Variants in COL4A5 observed in about 807,000 individuals in gnomAD.
COL4A5 encodes collagen alpha-5(IV) chain.
COL4A5 carries 26 observed loss-of-function variants against 130.2 expected under a neutral mutation model. The ratio of observed to expected loss-of-function variants is 0.20; its 90% CI spans 0.15 to 0.28. The LOEUF (loss-of-function observed/expected upper bound fraction) is 0.28, where lower values mean the gene tolerates loss of function less well. Among genes scored for constraint, COL4A5 ranks in the 10% least tolerant of loss-of-function variants. The pLI is 1.00. For synonymous variants in COL4A5, 496 were observed against 439.6 expected, an observed-to-expected ratio of 1.13 and a Z score of -1.60; for missense variants, 1,131 against 1,344.3, an observed-to-expected ratio of 0.84 and a Z score of 2.48.
chrX:108,509,962 A>G (rs1289433232), intron 1 of COL4A5, among the ~76,000 whole-genome samples: 1 of 112,722 alleles, frequency 8.9e-6, no homozygotes, highest in African/African-American at 3.2e-5. Context: ...ACACCATGGA[A>G]TACTATGCAG....
rs771305065 is a variant in COL4A5 at position 108,601,895 on chromosome X, A to G, written c.2052A>G (p.Gly684=). 8 of 1,146,382 alleles carry G rather than the reference A, an allele frequency of 7.0e-6. No homozygotes were observed. Among genetic ancestry groups the G allele is most frequent in the Non-Finnish European group, 8.2e-6 (7 of 849,866 alleles). The allele number at this position is 1,146,382 out of a possible 1,213,427, so 94.5% of individuals were successfully genotyped here. ...DGDVGLPGDP[G]LPGQPGLPGI... is the part of the protein sequence containing the mutation. Reference sequence around the variant, plus strand: ...GCTGTTTCTCCATAGGTGACCCTGGACTTCCAGGGCAACCAGGCTTGCCAG... The same window carrying G: ...GCTGTTTCTCCATAGGTGACCCTGGGCTTCCAGGGCAACCAGGCTTGCCAG... Residue 684 remains glycine (G), a synonymous_variant, in exon 27 of 53, where the codon GGA becomes GGG. Coordinates refer to ENST00000328300, the MANE Select transcript of COL4A5 (RefSeq NM_033380.3).
intron 1 of COL4A5, among the ~76,000 whole-genome samples, chrX:108,535,935 T>A (rs1187800561): frequency 9.0e-6 from 1 of 110,823 alleles, no homozygotes. Flanking sequence ...CTGCCATTAT[T>A]TTGTAGTATG....
chrX:108,552,194 G>A (rs1014375978), intron 2 of COL4A5, among the ~76,000 whole-genome samples: 2 of 110,723 alleles, frequency 1.8e-5, no homozygotes, highest in African/African-American at 6.6e-5. Context: ...CTGTACCCCC[G>A]AACCTAAAAG....
chrX:108,519,363 A>G (rs2034628723), intron 1 of COL4A5, among the ~76,000 whole-genome samples: 1 of 111,544 alleles, frequency 9.0e-6, no homozygotes, highest in Non-Finnish European at 1.9e-5. Context: ...TATTGTTTAC[A>G]TACAATTTAA....
chrX:108,459,668 G>T (rs926286524), intron 1 of COL4A5, among the ~76,000 whole-genome samples: 1 of 112,073 alleles, frequency 8.9e-6, no homozygotes, highest in African/African-American at 3.2e-5. Flanking sequence ...TACCTCAAGA[G>T]CAGTGACTAT....
chrX:108,490,823 C>G (rs1173679963), intron 1 of COL4A5, among the ~76,000 whole-genome samples: 1 of 110,011 alleles, frequency 9.1e-6, no homozygotes, highest in Non-Finnish European at 1.9e-5. Flanking sequence ...TCAAGTAGAC[C>G]CCAGTGTCTG....
At chrX:108,492,407 C>T (rs766713942) in intron 1 of COL4A5, among the ~76,000 whole-genome samples, 13 of 112,027 alleles carry the variant, frequency 1.2e-4, no homozygotes, top group African/African-American at 4.2e-4. Flanking sequence ...CTATAATAAG[C>T]ATCAATAACA....
chrX:108,520,825 T>C (rs1870845036), intron 1 of COL4A5, among the ~76,000 whole-genome samples: 1 of 111,916 alleles, frequency 8.9e-6, no homozygotes, highest in Non-Finnish European at 1.9e-5. Context: ...TTTCTCAATG[T>C]ACTTACCTAA....
chrX:108,617,145 A>T (rs1321281765), intron 30 of COL4A5, among the ~76,000 whole-genome samples: 1 of 111,059 alleles, frequency 9.0e-6, no homozygotes, highest in Non-Finnish European at 1.9e-5. Flanking sequence ...TACAAGGCAC[A>T]GATACTCACT....
At chrX:108,475,947 A>C (rs1189409244) in intron 1 of COL4A5, among the ~76,000 whole-genome samples, 1 of 111,724 alleles carries the variant, frequency 9.0e-6, no homozygotes, top group Non-Finnish European at 1.9e-5. Flanking sequence ...TCAGGATTTC[A>C]TTTAAGGGTC....
intron 2 of COL4A5, among the ~76,000 whole-genome samples, chrX:108,542,686 G>C (rs1251392779): frequency 9.6e-6 from 1 of 104,664 alleles, no homozygotes; most frequent in Non-Finnish European, 1.9e-5. Flanking sequence ...TCGCCACACA[G>C]TCTTCCGCAA....
At chrX:108,475,823 C>G (rs2064827273) in intron 1 of COL4A5, among the ~76,000 whole-genome samples, 1 of 111,768 alleles carries the variant, frequency 8.9e-6, no homozygotes. Context: ...TTAGGATATT[C>G]ATAAGTTTTA....
Position 108,578,131 on chromosome X carries a change from AAG to A in COL4A5, c.687+17_687+18del. On this transcript the variant is annotated intron_variant, in intron 12 of 52. Transcript: ENST00000328300. ...CCAAAGGTGAAAAAGTGAGTAAAGA[AAG>A]AGAGCTGGTTATTCAGCCCTCAGCT... 1 of 1,207,433 alleles carries A rather than the reference AAG, an allele frequency of 8.3e-7. No homozygotes were observed. The highest frequency in any genetic ancestry group is 1.1e-6 in the Non-Finnish European group (1 of 891,794).
rs757545879 is a variant in COL4A5, at chrX:108,503,111, C to T, written c.82-36635C>T. Reference sequence around the variant, plus strand: ...GCCATTTATATTTTCTACATATTGGCAGCTGGATCCAGTGGCTTGATCAGA... The same window carrying T: ...GCCATTTATATTTTCTACATATTGGTAGCTGGATCCAGTGGCTTGATCAGA... On this transcript the variant is annotated intron_variant, in intron 1 of 52. Coordinates refer to ENST00000328300, the MANE Select transcript of COL4A5 (RefSeq NM_033380.3). 4.7e-4 allele frequency among the ~76,000 whole-genome samples: 53 copies of T among 111,634 alleles called. 1 individual carries two copies. Among genetic ancestry groups the T allele is most frequent in the Admixed American group, 3.0e-3 (32 of 10,501 alleles).
In COL4A5 at chrX:108,591,202, C is replaced by T; in HGVS notation, c.1310C>T (p.Pro437Leu). The T allele has an allele frequency of 2.5e-6, 3 of 1,208,981 alleles. No individual in the cohort carries two copies. Among genetic ancestry groups the T allele is most frequent in the Non-Finnish European group, 3.4e-6 (3 of 894,351 alleles). Residue 437 changes from proline (P) to leucine (L), a missense_variant, in exon 20 of 53, where the codon CCT (proline) becomes CTT (leucine). Coordinates refer to ENST00000328300, the MANE Select transcript of COL4A5 (RefSeq NM_033380.3). ...QPGAPGLPGP[P>L]GPAGPHIPPS... ...GGGGCTCCTGGGCTTCCAGGGCCTC[C>T]TGGCCCTGCTGGCCCTCACATTCCT...
chrX:108,613,069 A>G (rs1486166870), intron 29 of COL4A5, among the ~76,000 whole-genome samples: 4 of 112,215 alleles, frequency 3.6e-5, no homozygotes, highest in Non-Finnish European at 7.5e-5. Context: ...GCAAAAAAAA[A>G]TATAAACAAA....
At chrX:108,593,456 C>T (rs1349402392) in intron 21 of COL4A5, among the ~76,000 whole-genome samples, 2 of 110,915 alleles carry the variant, frequency 1.8e-5, no homozygotes, top group Admixed American at 9.5e-5. Flanking sequence ...CCTATTTTAT[C>T]GTTAGTACTT....
At chrX:108,674,029 G>A (rs1337669524) in intron 42 of COL4A5, among the ~76,000 whole-genome samples, 2 of 108,881 alleles carry the variant, frequency 1.8e-5, no homozygotes, top group South Asian at 4.0e-4. Context: ...GCGACAGAGT[G>A]AGACTCTGTC....
chrX:108,552,224 A>T lies in COL4A5; in HGVS notation c.142-6840A>T, dbSNP rs969236494. Among the ~76,000 whole-genome samples, 7 of 111,984 alleles carry T rather than the reference A, an allele frequency of 6.3e-5. No homozygotes were observed. The Admixed American group carries it at 6.6e-4, about 11-fold the overall frequency. On this transcript the variant is annotated intron_variant, in intron 2 of 52. Transcript: ENST00000328300. ...TAAAAGTAGGTAAAAAAAAAATGTT[A>T]TACAAATGGAATCATAAAGTATGTA...
Sources: gnomAD v4.1 joint callset for allele counts (sites outside exome capture counted in the v4.1 genomes callset) on GRCh38, gnomAD v4.1.1 for gene constraint, MANE v1.5 for transcripts, NCBI Gene and HGNC (gene_info 2026-07-23, HGNC 2026-07-21) for gene names.